The following ERC2 variants were observed in gnomAD, a reference collection of about 807,000 sequenced individuals.
ERC2 encodes the protein ELKS/RAB6-interacting/CAST family member 2.
In ERC2, 42 loss-of-function variants were observed where a neutral mutation model predicts 114.8. The ratio of observed to expected loss-of-function variants is 0.37; its 90% CI spans 0.29 to 0.47. ERC2 has a LOEUF of 0.47. Among genes scored for constraint, ERC2 ranks in the 20% least tolerant of loss-of-function variants. The pLI, the probability that ERC2 is intolerant of heterozygous loss-of-function variation, is 0.99. For missense variants in ERC2, 939 were observed against 1,150.7 expected, an observed-to-expected ratio of 0.82 and a Z score of 2.66; for synonymous variants, 454 against 425.5, an observed-to-expected ratio of 1.07 and a Z score of -0.82.
intron 16 of ERC2, among the ~76,000 whole-genome samples, chr3:55,691,765 C>T (rs904991521): frequency 2.2e-4 from 33 of 151,448 alleles, no homozygotes; most frequent in Admixed American, 1.6e-3. Flanking sequence ...CCCTGATATA[C>T]GGTGTTAATT....
intron 3 of ERC2, among the ~76,000 whole-genome samples, chr3:56,224,055 A>T (rs1186511015): frequency 6.6e-6 from 1 of 152,230 alleles, no homozygotes; most frequent in Admixed American, 6.5e-5. Context: ...ATATATTCAT[A>T]TACTCACAGA....
chr3:55,876,829 A>C lies in ERC2; in HGVS notation c.2564+11560T>G, dbSNP rs117179040. On this transcript the variant is annotated intron_variant, in intron 14 of 17. Transcript: ENST00000288221. ...TCCATCCCCTGAGGATTTGAATCTGAGAACTGTGTCAATTCCACTGGGGAG... is the reference window on the plus strand; with the variant it reads ...TCCATCCCCTGAGGATTTGAATCTGCGAACTGTGTCAATTCCACTGGGGAG... 7.7e-4 allele frequency among the ~76,000 whole-genome samples: 117 copies of C among 152,306 alleles called. 1 individual carries two copies. In the East Asian group the frequency reaches 0.019, roughly 24 times the overall value.
chr3:56,350,743 G>A (rs1354691546), intron 2 of ERC2, among the ~76,000 whole-genome samples: 1 of 152,168 alleles, frequency 6.6e-6, no homozygotes, highest in African/African-American at 2.4e-5. Context: ...GAAACAGGCA[G>A]TACACTAGGA....
intron 12 of ERC2, among the ~76,000 whole-genome samples, chr3:55,978,102 A>G (rs2069740773): frequency 6.6e-6 from 1 of 152,328 alleles, no homozygotes; most frequent in Admixed American, 6.5e-5. Context: ...ATTTGATGAA[A>G]GCAAATAAGT....
At chr3:55,784,070 T>C (rs1489436223) in intron 14 of ERC2, among the ~76,000 whole-genome samples, 3 of 152,250 alleles carry the variant, frequency 2.0e-5, no homozygotes, top group Non-Finnish European at 4.4e-5. Flanking sequence ...GATGAAATTA[T>C]GTTTGAACAG....
At chr3:55,945,086 C>G (rs1215981312) in intron 13 of ERC2, among the ~76,000 whole-genome samples, 1 of 152,166 alleles carries the variant, frequency 6.6e-6, no homozygotes, top group African/African-American at 2.4e-5. Flanking sequence ...GCATTAAAAA[C>G]AAATCATGAT....
intron 10 of ERC2, among the ~76,000 whole-genome samples, chr3:56,006,789 A>T (rs1247857299): frequency 6.6e-6 from 1 of 152,104 alleles, no homozygotes; most frequent in African/African-American, 2.4e-5. Flanking sequence ...GGTACAAAAA[A>T]ATGACCTACA....
chr3:56,216,674 C>A (rs570266464), intron 3 of ERC2, among the ~76,000 whole-genome samples: 1 of 152,210 alleles, frequency 6.6e-6, no homozygotes, highest in South Asian at 2.1e-4. Context: ...CAAAGCCTGG[C>A]AGAGACACAA....
rs36231107 is a variant in ERC2 at position 55,653,564 on chromosome 3, AGTGTGTGTGTGTGT to A, written c.*39+30216_*39+30229del. ...ATAGAACAATCTCAAACCTGGTAAA[AGTGTGTGTGTGTGT>A]GTGTGTGTGTGTGTGTGTGTGTGTG... On this transcript the variant is annotated intron_variant, in intron 17 of 17. Coordinates refer to ENST00000288221, the MANE Select transcript of ERC2 (RefSeq NM_015576.3). Among the ~76,000 whole-genome samples the A allele has an allele frequency of 4.3e-3, 612 of 141,280 alleles. 6 individuals are homozygous for A. Among genetic ancestry groups the A allele is most frequent in the East Asian group, 0.016 (75 of 4,668 alleles). The allele number at this position is 141,280 out of a possible 152,430, so 92.7% of individuals were successfully genotyped here.
chr3:55,707,654 C>T (rs2063558041), intron 15 of ERC2, among the ~76,000 whole-genome samples: 1 of 152,200 alleles, frequency 6.6e-6, no homozygotes, highest in Admixed American at 6.5e-5. Flanking sequence ...CTCCTGTTAA[C>T]ATAAAAAATA....
Position 56,391,008 on chromosome 3 carries a change from AGCTTTAG to A in ERC2, c.657+43336_657+43342del, listed in dbSNP as rs562911336. Among the ~76,000 whole-genome samples, 97 of 152,290 alleles carry A rather than the reference AGCTTTAG, an allele frequency of 6.4e-4. 2 individuals carry two copies. The South Asian group carries it at 0.019, about 29-fold the overall frequency. ...TCATACCATGTCAGACTGATCCCTG[AGCTTTAG>A]TTTCTTCGTCAGTTTAATGGGAACA... On this transcript the variant is annotated intron_variant, in intron 2 of 17. Coordinates refer to ENST00000288221, the MANE Select transcript of ERC2 (RefSeq NM_015576.3).
chr3:56,053,103 G>A (rs749795573), intron 7 of ERC2, among the ~76,000 whole-genome samples: 2 of 152,188 alleles, frequency 1.3e-5, no homozygotes, highest in Non-Finnish European at 2.9e-5. Context: ...GCAGAATCAA[G>A]GAAGCCTGAT....
chr3:56,413,469 T>C (rs2061022068), intron 2 of ERC2, among the ~76,000 whole-genome samples: 1 of 152,140 alleles, frequency 6.6e-6, no homozygotes, highest in South Asian at 2.1e-4. Flanking sequence ...AGTAGCAAGC[T>C]TCCTTACCTA....
chr3:55,997,696 T>C (rs919668030), intron 10 of ERC2, among the ~76,000 whole-genome samples: 1 of 149,880 alleles, frequency 6.7e-6, no homozygotes, highest in Non-Finnish European at 1.5e-5. Flanking sequence ...AGGAGTAGAA[T>C]GATAGTTAAG....
At chr3:55,936,940 C>T (rs749169494) in intron 13 of ERC2, among the ~76,000 whole-genome samples, 7 of 152,186 alleles carry the variant, frequency 4.6e-5, no homozygotes, top group Non-Finnish European at 8.8e-5. Context: ...TACCATCACC[C>T]GAAACTTATC....
intron 2 of ERC2, among the ~76,000 whole-genome samples, chr3:56,425,318 G>T (rs976917294): frequency 2.0e-5 from 3 of 152,114 alleles, no homozygotes; most frequent in African/African-American, 4.8e-5. Flanking sequence ...AAGATGTAAG[G>T]CTCTCTTGAC....
chr3:55,887,830 A>G (rs2063419190), intron 14 of ERC2, among the ~76,000 whole-genome samples: 1 of 152,118 alleles, frequency 6.6e-6, no homozygotes. Flanking sequence ...CCAAGCCCCC[A>G]CCTAGGTGGG....
Position 56,401,041 on chromosome 3 carries a change from T to C in ERC2, c.657+33310A>G, listed in dbSNP as rs183286509. Among the ~76,000 whole-genome samples the C allele has an allele frequency of 3.8e-3, 576 of 152,266 alleles. 2 individuals are homozygous for C. The highest frequency in any genetic ancestry group is 0.013 in the African/African-American group (532 of 41,562). ...GCATGAAAAGGGAAAAGCAGGAAAG[T>C]CCCAAGACTGTACAATCTAAACAAT... On this transcript the variant is annotated intron_variant, in intron 2 of 17. Coordinates refer to ENST00000288221, the MANE Select transcript of ERC2 (RefSeq NM_015576.3).
chr3:56,456,007 G>A (rs928234066), intron 1 of ERC2, among the ~76,000 whole-genome samples: 1 of 152,192 alleles, frequency 6.6e-6, no homozygotes, highest in African/African-American at 2.4e-5. Flanking sequence ...CCTGACCTAG[G>A]GAATTAGAGG....
Sources: gnomAD v4.1 joint callset for allele counts (sites outside exome capture counted in the v4.1 genomes callset) on GRCh38, gnomAD v4.1.1 for gene constraint, MANE v1.5 for transcripts, NCBI Gene and HGNC (gene_info 2026-07-23, HGNC 2026-07-21) for gene names.